The following MAML2 variants were observed in gnomAD, a reference collection of about 807,000 sequenced individuals.
MAML2 encodes mastermind like transcriptional coactivator 2, also known as mastermind-like protein 2.
In MAML2, 22 loss-of-function variants were observed where a neutral mutation model predicts 96.1. That is an observed-to-expected ratio of 0.23 (90% CI 0.16 to 0.33). The LOEUF (loss-of-function observed/expected upper bound fraction) is 0.33. MAML2 is among the 10% of genes least tolerant of loss of function. The pLI is 1.00. For missense variants in MAML2, 1,367 were observed against 1,392.4 expected (o/e 0.98, Z 0.29); for synonymous variants, 561 against 521.3 (o/e 1.08, Z -1.04).
At chr11:96,272,118 C>A (rs140805604) in intron 1 of MAML2, among the ~76,000 whole-genome samples, 1 of 152,174 alleles carries the variant, frequency 6.6e-6, no homozygotes, top group Non-Finnish European at 1.5e-5. Flanking sequence ...AAAACTGACT[C>A]CTTTCTCTGA....
chr11:96,151,502 C>G (rs1252301691), intron 1 of MAML2, among the ~76,000 whole-genome samples: 1 of 152,152 alleles, frequency 6.6e-6, no homozygotes, highest in Admixed American at 6.5e-5. Flanking sequence ...ATCTCATGTT[C>G]AGTTGTAATT....
At chr11:96,288,142 CA>C (rs1863164177) in intron 1 of MAML2, among the ~76,000 whole-genome samples, 1 of 151,930 alleles carries the variant, frequency 6.6e-6, no homozygotes, top group Non-Finnish European at 1.5e-5. Context: ...ATAGTTGATG[CA>C]AAAAGAAACA....
intron 1 of MAML2, among the ~76,000 whole-genome samples, chr11:96,261,725 C>T (rs2135973734): frequency 6.6e-6 from 1 of 152,242 alleles, no homozygotes; most frequent in East Asian, 1.9e-4. Context: ...ACTTTGACTA[C>T]CTGAGCTCCA....
At chr11:96,063,580 T>G (rs1251263041) in intron 2 of MAML2, among the ~76,000 whole-genome samples, 1 of 152,218 alleles carries the variant, frequency 6.6e-6, no homozygotes. Flanking sequence ...GTCCCATTAT[T>G]ACCCATAATA....
At chr11:96,066,760 A>G (rs968141997) in intron 2 of MAML2, among the ~76,000 whole-genome samples, 2 of 152,248 alleles carry the variant, frequency 1.3e-5, no homozygotes, top group African/African-American at 4.8e-5. Context: ...CTTAACTTCT[A>G]GTGAAGACAG....
chr11:96,124,820 G>A (rs985641409), intron 1 of MAML2, among the ~76,000 whole-genome samples: 6 of 152,144 alleles, frequency 3.9e-5, no homozygotes, highest in Admixed American at 3.3e-4. Flanking sequence ...CATGTAGAAC[G>A]AGGAATCAAA....
rs533605721 is a variant in MAML2 at position 96,248,792 on chromosome 11, T to A, written c.513+92591A>T. 2.0e-5 allele frequency among the ~76,000 whole-genome samples: 3 copies of A among 152,340 alleles called. No homozygotes were observed. The South Asian group carries it at 6.2e-4, about 32-fold the overall frequency. ...CTGTACTCACTGTCTCCAATTCTCA[T>A]TTCATTTCTTATGGATCTACTCCAA... On this transcript the variant is annotated intron_variant, in intron 1 of 4. Transcript: ENST00000524717.
chr11:96,042,414 C>T (rs1036386372), intron 2 of MAML2, among the ~76,000 whole-genome samples: 3 of 152,186 alleles, frequency 2.0e-5, no homozygotes, highest in Non-Finnish European at 4.4e-5. Context: ...AGCCAGTGTG[C>T]CCAGCTGCCT....
chr11:96,221,601 A>G (rs1862138908), intron 1 of MAML2, among the ~76,000 whole-genome samples: 1 of 151,880 alleles, frequency 6.6e-6, no homozygotes, highest in Admixed American at 6.6e-5. Context: ...GTTTCATAGC[A>G]GTTGCCTTCA....
intron 1 of MAML2, among the ~76,000 whole-genome samples, chr11:96,127,796 C>A (rs1374716637): frequency 1.3e-5 from 2 of 152,190 alleles, no homozygotes; most frequent in Non-Finnish European, 2.9e-5. Flanking sequence ...CTTTGTTCAA[C>A]CTAAACTTCC....
chr11:96,288,408 G>A (rs6483494), intron 1 of MAML2, among the ~76,000 whole-genome samples: 24,423 of 152,086 alleles, frequency 0.16, 2,220 homozygotes, highest in East Asian at 0.24. Flanking sequence ...TGGACATGAT[G>A]ACAGGCACCT....
chr11:96,118,757 G>A (rs1356478511), intron 1 of MAML2, among the ~76,000 whole-genome samples: 4 of 152,054 alleles, frequency 2.6e-5, no homozygotes, highest in African/African-American at 9.7e-5. Context: ...AAGAAGTGAT[G>A]CAAAAAAATC....
intron 1 of MAML2, among the ~76,000 whole-genome samples, chr11:96,115,287 C>T (rs560451482): frequency 6.6e-6 from 1 of 151,906 alleles, no homozygotes; most frequent in South Asian, 2.1e-4. Flanking sequence ...TTTTAGCCTA[C>T]CAAGTAGCTG....
intron 2 of MAML2, among the ~76,000 whole-genome samples, chr11:96,056,286 T>A (rs984889430): frequency 6.6e-6 from 1 of 151,632 alleles, no homozygotes; most frequent in Admixed American, 6.6e-5. Context: ...TGGAGCTAGT[T>A]TGCCCAAACT....
At chr11:96,308,688 G>T (rs928084897) in intron 1 of MAML2, among the ~76,000 whole-genome samples, 1 of 152,098 alleles carries the variant, frequency 6.6e-6, no homozygotes, top group Non-Finnish European at 1.5e-5. Context: ...ACTTCTTTAT[G>T]TTTCAGCTTA....
chr11:96,145,734 G>A (rs74529237), intron 1 of MAML2, among the ~76,000 whole-genome samples: 16 of 152,324 alleles, frequency 1.1e-4, no homozygotes, highest in South Asian at 2.1e-4. Flanking sequence ...TTGTTCGGGC[G>A]TGGTGGCTCA....
intron 2 of MAML2, among the ~76,000 whole-genome samples, chr11:96,006,802 C>T (rs1255148784): frequency 6.6e-6 from 1 of 150,920 alleles, no homozygotes; most frequent in African/African-American, 2.4e-5. Flanking sequence ...TCAGGTGATC[C>T]GCCTGCCTCG....
chr11:96,068,984 T>G (rs1357697807), intron 2 of MAML2, among the ~76,000 whole-genome samples: 3 of 147,108 alleles, frequency 2.0e-5, no homozygotes, highest in African/African-American at 7.6e-5. Flanking sequence ...TGTGGTGGTG[T>G]GATCATAGCT....
intron 2 of MAML2, among the ~76,000 whole-genome samples, chr11:95,998,053 CTCTT>C (rs1427499998): frequency 7.9e-5 from 12 of 152,086 alleles, no homozygotes; most frequent in Admixed American, 1.3e-4. Context: ...AGATACTAGA[CTCTT>C]TATATAGCAA....
Sources: gnomAD v4.1 joint callset for allele counts (sites outside exome capture counted in the v4.1 genomes callset) on GRCh38, gnomAD v4.1.1 for gene constraint, MANE v1.5 for transcripts, NCBI Gene and HGNC (gene_info 2026-07-23, HGNC 2026-07-21) for gene names.